The following EPB41L3 variants were observed in gnomAD, a reference collection of about 807,000 sequenced individuals.
EPB41L3 encodes the protein erythrocyte membrane protein band 4.1 like 3.
Under a neutral mutation model 127.1 loss-of-function variants are expected in EPB41L3, and 57 were observed. The ratio of observed to expected loss-of-function variants is 0.45; its 90% CI spans 0.36 to 0.56. EPB41L3 has a LOEUF of 0.56. Among genes scored for constraint, EPB41L3 ranks in the 20% least tolerant of loss-of-function variants. The pLI, the probability that EPB41L3 is intolerant of heterozygous loss-of-function variation, is 0.00. For missense variants in EPB41L3, 1,273 were observed against 1,372.2 expected (o/e 0.93, Z 1.14); for synonymous variants, 572 against 549.5 (o/e 1.04, Z -0.57).
intron 1 of EPB41L3, chr18:5,508,357 T>C (rs1443887701): frequency 6.6e-6 from 1 of 152,208 alleles, no homozygotes; most frequent in Non-Finnish European, 1.5e-5. Context: ...AAAGAAGACA[T>C]ATTTTCCACT....
At chr18:5,472,523 A>G (rs556328419) in intron 3 of EPB41L3, among the ~76,000 whole-genome samples, 16 of 152,242 alleles carry the variant, frequency 1.1e-4, no homozygotes, top group Non-Finnish European at 1.8e-4. Flanking sequence ...GCTACGTGGA[A>G]TCAAAAGCTC....
chr18:5,610,842 G>A (rs987913363), intron 3 of EPB41L3, among the ~76,000 whole-genome samples: 2 of 152,108 alleles, frequency 1.3e-5, no homozygotes, highest in African/African-American at 4.8e-5. Flanking sequence ...TAATTAACAT[G>A]TCATTAAATT....
upstream of EPB41L3, among the ~76,000 whole-genome samples, chr18:5,629,295 G>A (rs920082664): frequency 2.0e-5 from 3 of 151,992 alleles, no homozygotes; most frequent in African/African-American, 7.2e-5. Flanking sequence ...CGGAGTTGCC[G>A]GGGTGCAGCT....
At position 5,423,942 on chromosome 18, in the gene EPB41L3, G is replaced by A. The variant is rs76466857; in HGVS notation, c.1163+320C>T. 1.2e-4 allele frequency among the ~76,000 whole-genome samples: 18 copies of A among 152,264 alleles called. No homozygotes were observed. The East Asian group carries it at 3.5e-3, about 29-fold the overall frequency. On this transcript the variant is annotated intron_variant, in intron 10 of 22. Coordinates refer to ENST00000341928, the MANE Select transcript of EPB41L3 (RefSeq NM_012307.5). ...GGTAGGTAAAGGGATTCAGGGTATTGAGAAATCACTGAAATAGTAAGGAAT... is the reference window on the plus strand; with the variant it reads ...GGTAGGTAAAGGGATTCAGGGTATTAAGAAATCACTGAAATAGTAAGGAAT...
intron 3 of EPB41L3, among the ~76,000 whole-genome samples, chr18:5,470,047 G>T (rs528594137): frequency 6.6e-5 from 10 of 152,070 alleles, no homozygotes; most frequent in Non-Finnish European, 1.3e-4. Flanking sequence ...CAAAGTGCTG[G>T]GATTATAGAC....
At chr18:5,515,108 C>T (rs2092698948) in intron 1 of EPB41L3, among the ~76,000 whole-genome samples, 1 of 152,078 alleles carries the variant, frequency 6.6e-6, no homozygotes, top group Admixed American at 6.5e-5. Flanking sequence ...TATTTTTATT[C>T]TATATGCACT....
At chr18:5,439,859 G>T (rs766721963) in intron 5 of EPB41L3, among the ~76,000 whole-genome samples, 2 of 152,162 alleles carry the variant, frequency 1.3e-5, no homozygotes, top group Non-Finnish European at 2.9e-5. Flanking sequence ...AAAACTAATG[G>T]ATTAGTTATG....
chr18:5,474,437 G>A (rs577626766), intron 3 of EPB41L3, among the ~76,000 whole-genome samples: 153 of 152,176 alleles, frequency 1.0e-3, no homozygotes, highest in African/African-American at 3.3e-3. Flanking sequence ...GGGTCGATGG[G>A]TCTCTCCCAC....
chr18:5,460,119 GT>G (rs2083732511), intron 3 of EPB41L3, among the ~76,000 whole-genome samples: 1 of 152,154 alleles, frequency 6.6e-6, no homozygotes, highest in African/African-American at 2.4e-5. Flanking sequence ...TATGCCCAGT[GT>G]TTAGCTCCTA....
chr18:5,506,074 C>T (rs1287466291), intron 1 of EPB41L3, among the ~76,000 whole-genome samples: 1 of 151,942 alleles, frequency 6.6e-6, no homozygotes, highest in Non-Finnish European at 1.5e-5. Flanking sequence ...CACATTACTT[C>T]CACCACTAGC....
chr18:5,585,243 A>T (rs983573206), intron 3 of EPB41L3, among the ~76,000 whole-genome samples: 2 of 152,148 alleles, frequency 1.3e-5, no homozygotes, highest in African/African-American at 4.8e-5. Flanking sequence ...CTAATGTGTG[A>T]TCGTGTCTCT....
chr18:5,417,973 C>T (rs1333288328), intron 12 of EPB41L3, among the ~76,000 whole-genome samples: 1 of 152,154 alleles, frequency 6.6e-6, no homozygotes, highest in African/African-American at 2.4e-5. Flanking sequence ...ACCTAGGGGA[C>T]CAGCCTTTCA....
intron 3 of EPB41L3, among the ~76,000 whole-genome samples, chr18:5,598,115 G>A (rs1035290065): frequency 1.3e-5 from 2 of 152,098 alleles, no homozygotes; most frequent in African/African-American, 4.8e-5. Context: ...TGAGGCCCAG[G>A]AACCCCTGGG....
intron 1 of EPB41L3, among the ~76,000 whole-genome samples, chr18:5,500,255 T>C (rs1306109358): frequency 6.6e-6 from 1 of 152,164 alleles, no homozygotes; most frequent in Non-Finnish European, 1.5e-5. Context: ...CTTCGCCAAT[T>C]CTATTCAGAG....
chr18:5,528,094 A>G (rs1189138366), intron 1 of EPB41L3, among the ~76,000 whole-genome samples: 1 of 152,228 alleles, frequency 6.6e-6, no homozygotes, highest in Non-Finnish European at 1.5e-5. Context: ...ACACAAATCC[A>G]GAAGAGTCGC....
At chr18:5,436,278 A>G (rs2079775202) in intron 6 of EPB41L3, among the ~76,000 whole-genome samples, 1 of 152,192 alleles carries the variant, frequency 6.6e-6, no homozygotes, top group Non-Finnish European at 1.5e-5. Context: ...CCCTCTAAAT[A>G]TGATTTTAGG....
chr18:5,459,762 C>G (rs915789102), intron 3 of EPB41L3, among the ~76,000 whole-genome samples: 5 of 152,174 alleles, frequency 3.3e-5, no homozygotes, highest in African/African-American at 1.2e-4. Flanking sequence ...TTTGATTATA[C>G]ATGATGCACA....
rs1047666279 is a variant in EPB41L3, at chr18:5,534,465, G to A, written c.-12+9448C>T. On this transcript the variant is annotated intron_variant, in intron 1 of 22. Coordinates refer to ENST00000341928, the MANE Select transcript of EPB41L3 (RefSeq NM_012307.5). ...CTGCAGATCTATTAGATGATAATCCGTGGATTGGTCCCCAAAAATTCCTTT... is the reference window on the plus strand; with the variant it reads ...CTGCAGATCTATTAGATGATAATCCATGGATTGGTCCCCAAAAATTCCTTT... Among the ~76,000 whole-genome samples, 14 of 152,282 alleles carry A rather than the reference G, an allele frequency of 9.2e-5. No homozygotes were observed. In the East Asian group the frequency reaches 1.5e-3, roughly 17 times the overall value.
At chr18:5,475,761 T>C (rs969184248) in intron 3 of EPB41L3, among the ~76,000 whole-genome samples, 2 of 152,200 alleles carry the variant, frequency 1.3e-5, no homozygotes, top group Non-Finnish European at 2.9e-5. Flanking sequence ...TCCCACACTG[T>C]CCATTTCATA....
Sources: allele counts gnomAD v4.1 joint callset (sites outside exome capture counted in the v4.1 genomes callset), GRCh38; gene constraint gnomAD v4.1.1; transcripts MANE v1.5; gene names NCBI Gene and HGNC (gene_info 2026-07-23, HGNC 2026-07-21).